SIPA1L1: variants seen among roughly 807,000 people sequenced by gnomAD.
SIPA1L1 encodes the protein signal-induced proliferation-associated 1-like protein 1.
In SIPA1L1, 26 loss-of-function variants were observed where a neutral mutation model predicts 162.7. The ratio of observed to expected loss-of-function variants is 0.16; its 90% CI spans 0.12 to 0.22. The LOEUF is 0.22. Among genes scored for constraint, SIPA1L1 ranks in the 10% least tolerant of loss-of-function variants. SIPA1L1 has a pLI of 1.00. For synonymous variants in SIPA1L1, 829 were observed against 837.4 expected (o/e 0.99, Z 0.17); for missense variants, 1,874 against 2,241.0 (o/e 0.84, Z 3.31).
At chr14:71,598,241 A>G in intron 5 of SIPA1L1, 1 of 984,978 alleles carries the variant, frequency 1.0e-6, no homozygotes, top group Non-Finnish European at 1.2e-6. Flanking sequence ...ACTATTGTAA[A>G]CTTTACTGGA....
chr14:71,604,491 T>TG (rs1200273560), intron 5 of SIPA1L1, among the ~76,000 whole-genome samples: 1 of 152,118 alleles, frequency 6.6e-6, no homozygotes, highest in Non-Finnish European at 1.5e-5. Flanking sequence ...GTTTTCATGT[T>TG]GGTAGTAGTT....
intron 5 of SIPA1L1, among the ~76,000 whole-genome samples, chr14:71,594,426 G>GT (rs1036788861): frequency 5.3e-5 from 8 of 151,778 alleles, no homozygotes; most frequent in East Asian, 1.9e-4. Flanking sequence ...TGTTTATTCA[G>GT]TTTTTTTTGC....
At chr14:71,400,954 G>T (rs1041773554) in intron 2 of SIPA1L1, 6 of 152,132 alleles carry the variant, frequency 3.9e-5, no homozygotes, top group Non-Finnish European at 7.3e-5. Context: ...TTAGGGAAAT[G>T]AAATTTATGT....
At chr14:71,664,748 T>G (rs1342999170) in intron 10 of SIPA1L1, among the ~76,000 whole-genome samples, 3 of 152,226 alleles carry the variant, frequency 2.0e-5, no homozygotes, top group Non-Finnish European at 4.4e-5. Context: ...ATTTATTTAC[T>G]TACACCTACC....
intron 12 of SIPA1L1, among the ~76,000 whole-genome samples, chr14:71,679,282 A>C (rs1157126029): frequency 6.6e-6 from 1 of 152,114 alleles, no homozygotes; most frequent in Admixed American, 6.5e-5. Flanking sequence ...CCAATATTCA[A>C]CATTCTTAAA....
intron 5 of SIPA1L1, among the ~76,000 whole-genome samples, chr14:71,610,052 T>TACCATCATTTC (rs2038023702): frequency 6.6e-6 from 1 of 152,200 alleles, no homozygotes; most frequent in African/African-American, 2.4e-5. Flanking sequence ...CTCTGTTAAT[T>TACCATCATTTC]ACCATCATTT....
At chr14:71,725,405 C>T (rs1440304984) in intron 19 of SIPA1L1, among the ~76,000 whole-genome samples, 4 of 152,228 alleles carry the variant, frequency 2.6e-5, no homozygotes, top group Admixed American at 1.3e-4. Flanking sequence ...TCTACCCACA[C>T]ACCTTCAGAA....
chr14:71,544,073 A>G (rs532849485), intron 4 of SIPA1L1, among the ~76,000 whole-genome samples: 42 of 150,674 alleles, frequency 2.8e-4, no homozygotes, highest in African/African-American at 9.6e-4. Flanking sequence ...ATACACACGC[A>G]CGCACATGTA....
At chr14:71,447,045 G>A (rs1595508175) in intron 2 of SIPA1L1, among the ~76,000 whole-genome samples, 1 of 150,350 alleles carries the variant, frequency 6.7e-6, no homozygotes, top group Non-Finnish European at 1.5e-5. Context: ...CTGAGTAGCT[G>A]GGACTACAGG....
chr14:71,336,298 C>G (rs565735784), intron 2 of SIPA1L1, among the ~76,000 whole-genome samples: 182 of 152,226 alleles, frequency 1.2e-3, no homozygotes, highest in African/African-American at 4.2e-3. Flanking sequence ...AATTTTAGAA[C>G]ATTTTCATTA....
chr14:71,645,009 G>A (rs369461876), intron 7 of SIPA1L1, among the ~76,000 whole-genome samples: 1 of 152,132 alleles, frequency 6.6e-6, no homozygotes, highest in African/African-American at 2.4e-5. Context: ...TTAAATATTG[G>A]TGTCACTGGG....
chr14:71,422,385 A>G (rs189832276), intron 2 of SIPA1L1, among the ~76,000 whole-genome samples: 1 of 152,296 alleles, frequency 6.6e-6, no homozygotes, highest in East Asian at 1.9e-4. Flanking sequence ...AAATACATTA[A>G]TAATGTTGTC....
chr14:71,693,639 A>G (rs2081406609), intron 13 of SIPA1L1, among the ~76,000 whole-genome samples: 1 of 152,214 alleles, frequency 6.6e-6, no homozygotes, highest in Admixed American at 6.5e-5. Context: ...TTGAAGTTGA[A>G]CACAACTTGT....
intron 7 of SIPA1L1, among the ~76,000 whole-genome samples, chr14:71,638,381 CAGT>C (rs2041374974): frequency 6.6e-6 from 1 of 152,106 alleles, no homozygotes; most frequent in Non-Finnish European, 1.5e-5. Context: ...AAGGCTGATT[CAGT>C]ATTGAAAAAT....
At chr14:71,494,208 G>A (rs1368732559) in intron 2 of SIPA1L1, among the ~76,000 whole-genome samples, 1 of 152,174 alleles carries the variant, frequency 6.6e-6, no homozygotes, top group African/African-American at 2.4e-5. Context: ...TGTTCCTGAT[G>A]TTAGAGGGAA....
chr14:71,645,651 G>C (rs2042090388), intron 7 of SIPA1L1, among the ~76,000 whole-genome samples: 1 of 152,186 alleles, frequency 6.6e-6, no homozygotes, highest in Admixed American at 6.5e-5. Flanking sequence ...AGGGGTGAGT[G>C]TATAGCGGAG....
intron 2 of SIPA1L1, among the ~76,000 whole-genome samples, chr14:71,399,461 G>A (rs886732848): frequency 1.8e-4 from 27 of 152,156 alleles, no homozygotes; most frequent in African/African-American, 5.8e-4. Flanking sequence ...CTGGAGTGCA[G>A]TGGTACTATC....
chr14:71,678,698 A>ATC, intron 12 of SIPA1L1, among the ~76,000 whole-genome samples: 1 of 151,682 alleles, frequency 6.6e-6, no homozygotes, highest in Non-Finnish European at 1.5e-5. Flanking sequence ...ATTGATTGGA[A>ATC]GTTTCAGAAG....
chr14:71,496,071 A>G (rs2049748828), intron 2 of SIPA1L1, among the ~76,000 whole-genome samples: 1 of 111,920 alleles, frequency 8.9e-6, no homozygotes, highest in Admixed American at 8.8e-5. Flanking sequence ...TTAAAAAAAA[A>G]GAAAAAAAAA....
Sources: gnomAD v4.1 joint callset for allele counts (sites outside exome capture counted in the v4.1 genomes callset) on GRCh38, gnomAD v4.1.1 for gene constraint, MANE v1.5 for transcripts, NCBI Gene and HGNC (gene_info 2026-07-23, HGNC 2026-07-21) for gene names.